Variants in MMP9 observed in about 807,000 individuals in gnomAD.
The protein encoded by MMP9 is matrix metalloproteinase-9.
MMP9 carries 73 observed loss-of-function variants against 76.4 expected under a neutral mutation model. The ratio of observed to expected loss-of-function variants is 0.96; its 90% CI spans 0.79 to 1.16. The LOEUF (loss-of-function observed/expected upper bound fraction) is 1.16, where lower values mean the gene tolerates loss of function less well. Ranked by LOEUF, MMP9 falls within the 50% of genes most tolerant of loss-of-function variation. The probability of loss-of-function intolerance (pLI) is 0.00; values close to 1 mark genes in which losing one functional copy is unlikely to be tolerated. For synonymous variants in MMP9, 412 were observed against 408.4 expected (o/e 1.01, Z -0.11); for missense variants, 943 against 973.0 (o/e 0.97, Z 0.41).
At chr20:46,009,262 A>G (rs1343134454) in intron 1 of MMP9, among the ~76,000 whole-genome samples, 198 bp downstream of exon 1, 3 of 151,990 alleles carry the variant, frequency 2.0e-5, no homozygotes, top group Non-Finnish European at 4.4e-5. Context: ...AGAAATGGGC[A>G]ATGGGGCTTT....
intron 12 of MMP9, chr20:46,014,678 C>T (rs2084308454): frequency 3.2e-6 from 2 of 629,348 alleles, no homozygotes; most frequent in South Asian, 3.8e-5. Context: ...GATTTCCTGC[C>T]TCCCCGGCTG....
intron 12 of MMP9, 184 bp downstream of exon 12, chr20:46,014,658 C>G: frequency 1.5e-6 from 1 of 673,996 alleles, no homozygotes; most frequent in Non-Finnish European, 2.6e-6. Context: ...GCAACCAAGA[C>G]CAGGACCCAG....
At position 46,013,941 on chromosome 20, in the gene MMP9, G is replaced by A; in HGVS notation, c.1750+145G>A. 1 of 1,411,260 alleles carries A rather than the reference G, an allele frequency of 7.1e-7. No individual in the cohort carries two copies. Among genetic ancestry groups the A allele is most frequent in the Non-Finnish European group, 9.6e-7 (1 of 1,038,200 alleles). The allele number at this position is 1,411,260 out of a possible 1,614,324, so 87.4% of individuals were successfully genotyped here. A position where few individuals can be genotyped will look rare whatever the true frequency, so the allele number is the denominator to read the frequency against. On this transcript the variant is annotated intron_variant, in intron 10 of 12. Coordinates refer to ENST00000372330, the MANE Select transcript of MMP9 (RefSeq NM_004994.3). This position sits in a 1 kb window ranked among gnomAD's most constrained non-coding sequence, Gnocchi z 4.5. ...ACGCAGTTTAGCAAACGTAGGGGCG[G>A]CTGAGTTTCTGCCCCCTCCTCTCCA...
intron 5 of MMP9, 23 bp downstream of exon 5, chr20:46,011,339 G>C (rs768934034): frequency 2.5e-6 from 4 of 1,596,714 alleles, no homozygotes; most frequent in Admixed American, 1.7e-5. Context: ...GCTCGCCGAG[G>C]GCTGGGGGCG....
chr20:46,008,993 C>T lies in MMP9; in HGVS notation c.67C>T (p.Gln23Ter). 6.2e-7 allele frequency: 1 copy of T among 1,614,020 alleles called. No individual in the cohort carries two copies. The highest frequency in any genetic ancestry group is 8.5e-7 in the Non-Finnish European group (1 of 1,179,960). ...GGGCTGCTGCTTTGCTGCCCCCAGA[C>T]AGCGCCAGTCCACCCTTGTGCTCTT... is the stretch of plus-strand genomic sequence containing the variant. ...VLGCCFAAPR[Q>*]RQSTLVLFPG... The change falls in exon 1 of 13, where the codon CAG becomes TAG. Residue 23 changes from glutamine to a stop codon, truncating the protein, a stop_gained. Transcript: ENST00000372330. LOFTEE classifies it high-confidence loss of function.
At position 46,013,833 on chromosome 20, in the gene MMP9, C is replaced by T; in HGVS notation, c.1750+37C>T. On this transcript the variant is annotated intron_variant, in intron 10 of 12. Coordinates refer to ENST00000372330, the MANE Select transcript of MMP9 (RefSeq NM_004994.3). The surrounding 1 kb of genome is among the most constrained non-coding windows in gnomAD (Gnocchi z 4.5). ...ACTTTCCCTCCCCCGCCCGGTCAAT[C>T]CCCATCAGTCAAGGAGGCTCAAGAG... 1.2e-6 allele frequency: 2 copies of T among 1,610,382 alleles called. No homozygotes were observed. The highest frequency in any genetic ancestry group is 1.7e-6 in the Non-Finnish European group (2 of 1,179,066).
rs1555856977 is a variant in MMP9 at position 46,010,332 on chromosome 20, A to ACAAACAAAC, written c.372-151_372-150insCAAACAAAC. 0.16 allele frequency: 123,623 copies of ACAAACAAAC among 772,454 alleles called. 20,022 individuals carry two copies. The highest frequency in any genetic ancestry group is 0.25 in the South Asian group (14,212 of 56,132). 47.8% of individuals were successfully genotyped at this position (772,454 alleles called of 1,614,324 possible). A position where few individuals can be genotyped will look rare whatever the true frequency, so the allele number is the denominator to read the frequency against. On this transcript the variant is annotated intron_variant, in intron 2 of 12. Coordinates refer to ENST00000372330, the MANE Select transcript of MMP9 (RefSeq NM_004994.3). ...AGGGTCTAAGTAGACAAAAAAAAAAAAAAAAAAAACAGTCTGGAAGCAATT... is the reference window on the plus strand; with the variant it reads ...AGGGTCTAAGTAGACAAAAAAAAAAACAAACAAACAAAAAAAAACAGTCTGGAAGCAATT...
chr20:46,011,074 C>T, intron 4 of MMP9, 24 bp downstream of exon 4: 3 of 1,613,760 alleles, frequency 1.9e-6, no homozygotes, highest in Non-Finnish European at 2.5e-6. Flanking sequence ...TCCTCCTGGC[C>T]CCTGATTCCC....
chr20:46,010,811 C>G, intron 3 of MMP9, 111 bp from the exon 4 acceptor site: 2 of 1,589,410 alleles, frequency 1.3e-6, no homozygotes, highest in South Asian at 2.3e-5. Flanking sequence ...GGGAGAGCTT[C>G]GCGCAGGCGG....
chr20:46,013,885 G>A lies in MMP9; in HGVS notation c.1750+89G>A, dbSNP rs549431429. The A allele has an allele frequency of 2.7e-5, 42 of 1,563,908 alleles. No homozygotes were observed. In the African/African-American group the frequency reaches 4.7e-4, roughly 18 times the overall value. ...CCATCGATAACCCACGAAACGTCTT[G>A]TGCGTTTTAGAAAAATACGCCCCCT... On this transcript the variant is annotated intron_variant, in intron 10 of 12. Transcript: ENST00000372330. The surrounding 1 kb of genome is among the most constrained non-coding windows in gnomAD (Gnocchi z 4.5).
chr20:46,012,671 G>T, intron 8 of MMP9, 89 bp downstream of exon 8: 4 of 1,479,500 alleles, frequency 2.7e-6, no homozygotes, highest in African/African-American at 1.4e-5. Flanking sequence ...ATCGGGGGAG[G>T]AACGGGGCGT....
At chr20:46,009,488 T>C (rs1290803821) in intron 1 of MMP9, among the ~76,000 whole-genome samples, 2 of 152,036 alleles carry the variant, frequency 1.3e-5, no homozygotes, top group African/African-American at 4.8e-5. Flanking sequence ...TTTAATGCTT[T>C]ATTAAATGTT....
Position 46,013,384 on chromosome 20 carries a change from G to A in MMP9, c.1460G>A (p.Gly487Asp). ...PSERPTAGPT[G>D]PPSAGPTGPP... The stretch of plus-strand genomic sequence containing the variant: ...GAGCGCCCCACAGCTGGCCCCACAG[G>A]TCCCCCCTCAGCTGGCCCCACAGGT... Residue 487 changes from glycine to aspartate, a missense_variant, in exon 9 of 13, where the codon GGT (glycine) becomes GAT (aspartate). By Grantham distance (94) the Gly-to-Asp change is moderately conservative (BLOSUM62 -1). Coordinates refer to ENST00000372330, the MANE Select transcript of MMP9 (RefSeq NM_004994.3). The surrounding 1 kb of genome is among the most constrained non-coding windows in gnomAD (Gnocchi z 4.5). 1.9e-6 allele frequency: 3 copies of A among 1,611,574 alleles called. No individual in the cohort carries two copies. Among genetic ancestry groups the A allele is most frequent in the African/African-American group, 1.3e-5 (1 of 74,708 alleles).
rs3918260 is a variant in MMP9, at chr20:46,013,893, T to C, written c.1750+97T>C. ...AACCCACGAAACGTCTTGTGCGTTT[T>C]AGAAAAATACGCCCCCTGGCGGACG... is the stretch of plus-strand genomic sequence containing the variant. On this transcript the variant is annotated intron_variant, in intron 10 of 12. Coordinates refer to ENST00000372330, the MANE Select transcript of MMP9 (RefSeq NM_004994.3). The surrounding 1 kb of genome is among the most constrained non-coding windows in gnomAD (Gnocchi z 4.5). 0.011 allele frequency: 16,403 copies of C among 1,547,626 alleles called. 1,465 individuals carry two copies. The African/African-American group carries it at 0.2, about 19-fold the overall frequency.
chr20:46,014,368 C>G lies in MMP9; in HGVS notation c.1902-3C>G. 6.5e-7 allele frequency: 1 copy of G among 1,547,444 alleles called. No individual in the cohort carries two copies. Among genetic ancestry groups the G allele is most frequent in the Non-Finnish European group, 8.7e-7 (1 of 1,146,956 alleles). ...CACCTGTCTCCTCCGCGCCTGCCCG[C>G]AGGTTCGACGTGAAGGCGCAGATGG... On this transcript the variant is annotated splice_region_variant and splice_polypyrimidine_tract_variant and intron_variant, in intron 11 of 12. Coordinates refer to ENST00000372330, the MANE Select transcript of MMP9 (RefSeq NM_004994.3).
In MMP9 at chr20:46,013,826, G is replaced by A. The variant is rs200663446; in HGVS notation, c.1750+30G>A. 1.2e-6 allele frequency: 2 copies of A among 1,610,572 alleles called. No individual in the cohort carries two copies. Among genetic ancestry groups the A allele is most frequent in the African/African-American group, 1.3e-5 (1 of 74,924 alleles). On this transcript the variant is annotated intron_variant, in intron 10 of 12. Transcript: ENST00000372330. The surrounding 1 kb of genome is among the most constrained non-coding windows in gnomAD (Gnocchi z 4.5). The stretch of plus-strand genomic sequence containing the variant: ...GTTACCTACTTTCCCTCCCCCGCCC[G>A]GTCAATCCCCATCAGTCAAGGAGGC...
intron 12 of MMP9, among the ~76,000 whole-genome samples, chr20:46,015,360 T>C (rs2084312243): frequency 6.6e-6 from 1 of 152,280 alleles, no homozygotes; most frequent in Non-Finnish European, 1.5e-5. Flanking sequence ...GCTAAGGCCA[T>C]TGCTTCAATG....
rs769491153 is a variant in MMP9 at position 46,013,512 on chromosome 20, C to T, written c.1588C>T (p.Gln530Ter). The T allele has an allele frequency of 6.2e-7, 1 of 1,614,082 alleles. No individual in the cohort carries two copies. Among genetic ancestry groups the T allele is most frequent in the South Asian group, 1.1e-5 (1 of 91,046 alleles). ...IFDAIAEIGN[Q>*]LYLFKDGKYW... is the part of the protein sequence containing the mutation. ...CGACGCCATCGCGGAGATTGGGAACCAGCTGTATTTGTTCAAGGATGGGTG... is the reference window on the plus strand; with the variant it reads ...CGACGCCATCGCGGAGATTGGGAACTAGCTGTATTTGTTCAAGGATGGGTG... The change falls in exon 9 of 13, where the codon CAG becomes TAG. Residue 530 changes from glutamine (Q) to a stop codon, truncating the protein, a stop_gained. Transcript: ENST00000372330. LOFTEE classifies it high-confidence loss of function. This position sits in a 1 kb window ranked among gnomAD's most constrained non-coding sequence, Gnocchi z 4.5.
chr20:46,009,779 C>T, intron 1 of MMP9, 87 bp from the exon 2 acceptor site: 3 of 1,148,730 alleles, frequency 2.6e-6, no homozygotes, highest in Non-Finnish European at 3.8e-6. Flanking sequence ...AGACTCCCTC[C>T]ATGAGTGTCT....
Sources: gnomAD v4.1 joint callset for allele counts (sites outside exome capture counted in the v4.1 genomes callset) on GRCh38, gnomAD v4.1.1 for gene constraint, Gnocchi (gnomAD v3.1) non-coding constraint, MANE v1.5 for transcripts, NCBI Gene and HGNC (gene_info 2026-07-23, HGNC 2026-07-21) for gene names.